Variants in ATP13A4 observed in about 807,000 individuals in gnomAD.
ATP13A4 encodes probable cation-transporting ATPase 13A4.
Under a neutral mutation model 142.5 loss-of-function variants are expected in ATP13A4, and 114 were observed. That is an observed-to-expected ratio of 0.80 (90% CI 0.69 to 0.93). The LOEUF is 0.93. ATP13A4 is among the 40% of genes least tolerant of loss of function. The probability of loss-of-function intolerance (pLI) is 0.00; values close to 1 mark genes in which losing one functional copy is unlikely to be tolerated. For missense variants in ATP13A4, 1,392 were observed against 1,454.0 expected (o/e 0.96, Z 0.69); for synonymous variants, 488 against 514.8 (o/e 0.95, Z 0.70).
intron 16 of ATP13A4, among the ~76,000 whole-genome samples, chr3:193,455,480 T>G (rs1455218300): frequency 6.6e-6 from 1 of 151,784 alleles, no homozygotes; most frequent in Non-Finnish European, 1.5e-5. Context: ...AAAACCACAG[T>G]GAGATACCAT....
At chr3:193,434,491 G>T (rs1716152502) in intron 24 of ATP13A4, among the ~76,000 whole-genome samples, 1 of 152,142 alleles carries the variant, frequency 6.6e-6, no homozygotes, top group Non-Finnish European at 1.5e-5. Context: ...GTGGAAAGGA[G>T]ATAATGTTCA....
intron 17 of ATP13A4, 42 bp from the exon 18 acceptor site, chr3:193,448,372 T>C (rs1222670549): frequency 6.2e-7 from 1 of 1,608,990 alleles, no homozygotes; most frequent in South Asian, 1.1e-5. Context: ...AAATAACACA[T>C]ATTACAGCTT....
intron 1 of ATP13A4, among the ~76,000 whole-genome samples, chr3:193,523,732 CGGATGTGGTTT>C (rs902906015): frequency 9.2e-5 from 14 of 152,244 alleles, no homozygotes; most frequent in Middle Eastern, 6.8e-3. Flanking sequence ...TGCTATGGTT[CGGATGTGGTTT>C]GGATGTGGTT....
chr3:193,580,927 G>A (rs532860419), intron 2 of ATP13A4, among the ~76,000 whole-genome samples: 11 of 152,150 alleles, frequency 7.2e-5, no homozygotes, highest in African/African-American at 1.4e-4. Flanking sequence ...ATGGGTAATC[G>A]TTTAACAACT....
At chr3:193,423,392 A>G (rs1464324300) in intron 25 of ATP13A4, among the ~76,000 whole-genome samples, 1 of 149,484 alleles carries the variant, frequency 6.7e-6, no homozygotes, top group East Asian at 2.1e-4. Context: ...ACACAATAAA[A>G]AAGGGCCAAT....
chr3:193,429,916 A>G (rs919590110), intron 25 of ATP13A4, among the ~76,000 whole-genome samples: 1 of 152,090 alleles, frequency 6.6e-6, no homozygotes, highest in Non-Finnish European at 1.5e-5. Flanking sequence ...TTAGCTCTGG[A>G]TAGTAAGATA....
rs550484844 is a variant in ATP13A4 at position 193,514,080 on chromosome 3, A to G, written c.234+618T>C. Among the ~76,000 whole-genome samples the G allele has an allele frequency of 3.3e-5, 5 of 152,324 alleles. No individual in the cohort carries two copies. The East Asian group carries it at 5.8e-4, about 18-fold the overall frequency. On this transcript the variant is annotated intron_variant, in intron 2 of 29. Transcript: ENST00000342695. ...TCTTGATCAAACCTCACCATCCACA[A>G]TTTTTAATTTAACTTGTATTTTAAG...
chr3:193,489,790 A>G lies in ATP13A4; in HGVS notation c.678T>C (p.Ala226=), dbSNP rs1486829557. The stretch of plus-strand genomic sequence containing the variant: ...TTATGGACATGATTATGATGGCAAA[A>G]GCATATTCCTTATAGTCTTCACTAA... ...LWFSEDYKEY[A]FAIIIMSIIS... The change falls in exon 7 of 30, where the codon GCT becomes GCC. Residue 226 remains alanine (A), a synonymous_variant. Coordinates refer to ENST00000342695, the MANE Select transcript of ATP13A4 (RefSeq NM_032279.4). 2 of 1,610,962 alleles carry G rather than the reference A, an allele frequency of 1.2e-6. No individual in the cohort carries two copies. Among genetic ancestry groups the G allele is most frequent in the Admixed American group, 3.3e-5 (2 of 60,024 alleles).
At chr3:193,562,224 C>T (rs939811141) in intron 2 of ATP13A4, among the ~76,000 whole-genome samples, 1 of 150,108 alleles carries the variant, frequency 6.7e-6, no homozygotes, top group African/African-American at 2.4e-5. Flanking sequence ...AACAAACAAA[C>T]AAAAAAAAAC....
chr3:193,514,998 G>T, intron 1 of ATP13A4, 127 bp from the exon 2 acceptor site: 1 of 969,858 alleles, frequency 1.0e-6, no homozygotes, highest in Non-Finnish European at 1.6e-6. Flanking sequence ...GAGAGGGCAG[G>T]GTGAGGCATG....
Position 193,414,646 on chromosome 3 carries a change from G to T in ATP13A4, c.2947C>A (p.Leu983Met). The T allele has an allele frequency of 6.2e-7, 1 of 1,614,132 alleles. No individual in the cohort carries two copies. Residue 983 changes from leucine to methionine, a missense_variant, in exon 26 of 30, where the codon CTG becomes ATG. By Grantham distance (15) the Leu-to-Met change is conservative. Coordinates refer to ENST00000342695, the MANE Select transcript of ATP13A4 (RefSeq NM_032279.4). ...ATGAAGCCTGCAATATGCATGGCCA[G>T]GCTGAGAAGAATGTTGAAAATCACA... ...LSVIFNILLS[L>M]AMHIAGFILV...
chr3:193,509,281 C>A (rs1459792322), intron 2 of ATP13A4, among the ~76,000 whole-genome samples: 1 of 152,280 alleles, frequency 6.6e-6, no homozygotes, highest in Middle Eastern at 3.4e-3. Flanking sequence ...TAACCTGGAG[C>A]CTTTCCTAAG....
At chr3:193,505,581 T>C (rs576270300) in intron 2 of ATP13A4, among the ~76,000 whole-genome samples, 5 of 152,254 alleles carry the variant, frequency 3.3e-5, no homozygotes, top group Non-Finnish European at 7.4e-5. Flanking sequence ...ATAAAATAAT[T>C]CTACTAATTA....
At chr3:193,430,783 A>G (rs1388849376) in intron 25 of ATP13A4, among the ~76,000 whole-genome samples, 1 of 152,132 alleles carries the variant, frequency 6.6e-6, no homozygotes, top group Non-Finnish European at 1.5e-5. Flanking sequence ...TCAGGAGCCC[A>G]ATCATATAAG....
intron 16 of ATP13A4, among the ~76,000 whole-genome samples, chr3:193,455,303 T>C (rs971007404): frequency 2.2e-5 from 3 of 134,538 alleles, no homozygotes; most frequent in Non-Finnish European, 4.5e-5. Context: ...ATTGCGCCAC[T>C]GCACTCCAGC....
intron 3 of ATP13A4, among the ~76,000 whole-genome samples, chr3:193,496,740 G>A (rs1021699213): frequency 2.0e-5 from 3 of 152,014 alleles, no homozygotes; most frequent in Admixed American, 6.5e-5. Context: ...GCAGTAAGCC[G>A]AGATCGTGCC....
chr3:193,514,500 T>C (rs1721302692), intron 2 of ATP13A4, among the ~76,000 whole-genome samples, 198 bp downstream of exon 2: 1 of 150,704 alleles, frequency 6.6e-6, no homozygotes, highest in Admixed American at 6.6e-5. Flanking sequence ...CATTTAGGTT[T>C]GTTCCATGTC....
intron 7 of ATP13A4, among the ~76,000 whole-genome samples, chr3:193,489,371 T>C (rs752282912): frequency 2.6e-5 from 4 of 152,166 alleles, no homozygotes; most frequent in Admixed American, 2.6e-4. Context: ...GGAGTTCATA[T>C]TAAATAGACT....
At chr3:193,433,966 A>AAAT in intron 24 of ATP13A4, 49 bp from the exon 25 acceptor site, 1 of 1,357,258 alleles carries the variant, frequency 7.4e-7, no homozygotes, top group Non-Finnish European at 1.1e-6. Flanking sequence ...CTTCTGGATG[A>AAAT]AATTAGATAT....
Sources: gnomAD v4.1 joint callset for allele counts (sites outside exome capture counted in the v4.1 genomes callset) on GRCh38, gnomAD v4.1.1 for gene constraint, MANE v1.5 for transcripts, NCBI Gene and HGNC (gene_info 2026-07-23, HGNC 2026-07-21) for gene names.